Variants in TRIM2 observed in about 807,000 individuals in gnomAD.
TRIM2 encodes tripartite motif-containing protein 2.
In TRIM2, 20 loss-of-function variants were observed where a neutral mutation model predicts 75.2. That is an observed-to-expected ratio of 0.27 (90% confidence interval 0.19 to 0.39). TRIM2 has a LOEUF of 0.39. TRIM2 is among the 10% of genes least tolerant of loss of function. The pLI, the probability that TRIM2 is intolerant of heterozygous loss-of-function variation, is 1.00. For synonymous variants in TRIM2, 373 were observed against 388.3 expected (o/e 0.96, Z 0.46); for missense variants, 660 against 990.8 (o/e 0.67, Z 4.48).
chr4:153,254,039 G>A (rs10018828), intron 1 of TRIM2, among the ~76,000 whole-genome samples: 34,656 of 152,006 alleles, frequency 0.23, 4,575 homozygotes, highest in African/African-American at 0.37. Flanking sequence ...GGTCTGGATC[G>A]GGACCGCTTT....
intron 1 of TRIM2, chr4:153,257,714 G>A: frequency 2.7e-6 from 2 of 754,554 alleles, no homozygotes; most frequent in Non-Finnish European, 4.0e-6. Context: ...CGACAGACTT[G>A]GGAGGATTTA....
At chr4:153,217,727 A>G (rs1738870629) in intron 1 of TRIM2, among the ~76,000 whole-genome samples, 1 of 152,142 alleles carries the variant, frequency 6.6e-6, no homozygotes, top group African/African-American at 2.4e-5. Flanking sequence ...GCAGGGAGAG[A>G]CAGAGAATAA....
intron 1 of TRIM2, among the ~76,000 whole-genome samples, chr4:153,159,463 G>A (rs11721623): frequency 0.12 from 18,646 of 151,754 alleles, 1,511 homozygotes; most frequent in Non-Finnish European, 0.18. Context: ...ACCACACCCG[G>A]CTAATTTTTT....
In TRIM2 at chr4:153,275,960, A is replaced by T; in HGVS notation, c.283A>T (p.Ile95Phe). The T allele has an allele frequency of 6.2e-7, 1 of 1,614,140 alleles. No individual in the cohort carries two copies. Among genetic ancestry groups the T allele is most frequent in the Non-Finnish European group, 8.5e-7 (1 of 1,180,016 alleles). Residue 95 changes from isoleucine to phenylalanine, a missense_variant, in exon 3 of 12, where the codon ATC (isoleucine) becomes TTC (phenylalanine). Physicochemically the swap from Ile to Phe is conservative, Grantham distance 21. Around this residue, in one of 2 missense-constraint regions of TRIM2, gnomAD observed 620 missense variants for 891.0 expected, o/e 0.70. Transcript: ENST00000338700. ...LSCPVCRQTS[I>F]LPEKGVAALQ... ...CTGCCCAGTGTGCCGCCAGACCTCC[A>T]TCCTGCCCGAGAAAGGGGTGGCCGC...
intron 6 of TRIM2, among the ~76,000 whole-genome samples, chr4:153,309,219 A>G (rs1031637862): frequency 2.0e-5 from 3 of 152,216 alleles, no homozygotes; most frequent in Non-Finnish European, 4.4e-5. Context: ...CTTCACCACC[A>G]AAACCCAGAA....
At chr4:153,161,472 G>C (rs932598177) in intron 1 of TRIM2, among the ~76,000 whole-genome samples, 1 of 152,184 alleles carries the variant, frequency 6.6e-6, no homozygotes, top group Non-Finnish European at 1.5e-5. Context: ...TTGCAAAGTC[G>C]CTAGCTGTTA....
chr4:153,331,144 C>T (rs1046061719), intron 11 of TRIM2, among the ~76,000 whole-genome samples: 4 of 151,886 alleles, frequency 2.6e-5, no homozygotes, highest in African/African-American at 4.8e-5. Context: ...CAACACAGGA[C>T]GACACTATCT....
intron 1 of TRIM2, among the ~76,000 whole-genome samples, chr4:153,198,947 T>C (rs976432123): frequency 3.3e-5 from 5 of 152,226 alleles, no homozygotes; most frequent in African/African-American, 1.2e-4. Flanking sequence ...TCAAAGGGCA[T>C]GTAGCAATTT....
chr4:153,230,067 T>A (rs1743209442), intron 1 of TRIM2, among the ~76,000 whole-genome samples: 1 of 152,242 alleles, frequency 6.6e-6, no homozygotes, highest in Non-Finnish European at 1.5e-5. Context: ...CATACACCCC[T>A]GCCCGTGTCC....
intron 1 of TRIM2, among the ~76,000 whole-genome samples, chr4:153,260,694 CCCCCCCCACA>C (rs770724562): frequency 0.22 from 11,521 of 51,292 alleles, 1,365 homozygotes; most frequent in Non-Finnish European, 0.26. Context: ...ACACCCACCC[CCCCCCCCACA>C]CACACACACA....
At chr4:153,281,542 G>T (rs781455208) in intron 3 of TRIM2, among the ~76,000 whole-genome samples, 6 of 152,218 alleles carry the variant, frequency 3.9e-5, no homozygotes, top group Non-Finnish European at 8.8e-5. Flanking sequence ...CAATGTTCCA[G>T]ATAAATTGCT....
In TRIM2 at chr4:153,295,548, ACC is replaced by A; in HGVS notation, c.1023_1024del (p.Leu342ArgfsTer41). ...GAGGGGCTGAAGAAGTCCATCCACA[ACC>A]TCGGGACGATCTTAACCACCAACGC... is the stretch of plus-strand genomic sequence containing the variant. On this transcript the variant is annotated frameshift_variant, in exon 6 of 12. Coordinates refer to ENST00000338700, the MANE Select transcript of TRIM2 (RefSeq NM_015271.5). LOFTEE classifies it high-confidence loss of function. This position sits in a 1 kb window ranked among gnomAD's most constrained non-coding sequence, Gnocchi z 7.2. 6.2e-7 allele frequency: 1 copy of A among 1,613,124 alleles called. No individual in the cohort carries two copies. Among genetic ancestry groups the A allele is most frequent in the Non-Finnish European group, 8.5e-7 (1 of 1,179,452 alleles).
intron 1 of TRIM2, among the ~76,000 whole-genome samples, chr4:153,159,296 C>CT (rs11318531): frequency 0.095 from 8,505 of 89,094 alleles, 1,042 homozygotes; most frequent in Admixed American, 0.18. Context: ...TTTACAAAAT[C>CT]TTTTTTTTTT....
At chr4:153,220,963 G>T (rs535273520) in intron 1 of TRIM2, among the ~76,000 whole-genome samples, 2 of 152,006 alleles carry the variant, frequency 1.3e-5, no homozygotes, top group African/African-American at 4.8e-5. Context: ...TAGAATTAGC[G>T]TATGACCCAG....
chr4:153,334,720 A>T, intron 11 of TRIM2, 94 bp from the exon 12 acceptor site: 1 of 1,211,186 alleles, frequency 8.3e-7, no homozygotes, highest in South Asian at 1.7e-5. Context: ...AAAGAAAGAA[A>T]CAGAAAAACA....
chr4:153,162,440 C>A (rs1729830326), intron 1 of TRIM2, among the ~76,000 whole-genome samples: 2 of 152,202 alleles, frequency 1.3e-5, no homozygotes, highest in Non-Finnish European at 2.9e-5. Context: ...CACAGACCAT[C>A]TGCTGGAAAG....
intron 1 of TRIM2, among the ~76,000 whole-genome samples, chr4:153,256,275 C>T (rs1752048803): frequency 6.6e-6 from 1 of 152,166 alleles, no homozygotes; most frequent in African/African-American, 2.4e-5. Flanking sequence ...TCTCTGTGAT[C>T]CCCCTCCTCC....
chr4:153,297,115 C>G (rs1274163772), intron 6 of TRIM2, among the ~76,000 whole-genome samples: 1 of 152,130 alleles, frequency 6.6e-6, no homozygotes, highest in African/African-American at 2.4e-5. Flanking sequence ...TTCCCTGGAA[C>G]GTCTTGGGAA....
At chr4:153,272,406 C>T (rs2150044174) in intron 2 of TRIM2, among the ~76,000 whole-genome samples, 1 of 152,264 alleles carries the variant, frequency 6.6e-6, no homozygotes, top group South Asian at 2.1e-4. Context: ...GCTCGGCCTC[C>T]CAAAGTGCTG....
Sources: allele counts gnomAD v4.1 joint callset (sites outside exome capture counted in the v4.1 genomes callset), GRCh38; gene constraint gnomAD v4.1.1; regional missense constraint gnomAD v4.1.1; non-coding constraint Gnocchi (gnomAD v3.1); transcripts MANE v1.5; gene names NCBI Gene and HGNC (gene_info 2026-07-23, HGNC 2026-07-21).